The following BCL2 variants were observed in gnomAD, a reference collection of about 807,000 sequenced individuals.
BCL2 encodes the protein apoptosis regulator Bcl-2.
A neutral mutation model predicts 14.2 loss-of-function variants in BCL2; 1 was observed. That is an observed-to-expected ratio of 0.07 (90% confidence interval 0.02 to 0.33). BCL2 has a LOEUF of 0.33. BCL2 is among the 10% of genes least tolerant of loss of function. The pLI is 0.99. For synonymous variants in BCL2, 151 were observed against 137.2 expected, an observed-to-expected ratio of 1.10 and a Z score of -0.70; for missense variants, 247 against 305.9, an observed-to-expected ratio of 0.81 and a Z score of 1.44.
intron 2 of BCL2, among the ~76,000 whole-genome samples, chr18:63,286,668 T>C (rs1244186089): frequency 6.6e-6 from 1 of 152,012 alleles, no homozygotes; most frequent in African/African-American, 2.4e-5. Context: ...CTGAAGGTCA[T>C]TGAAGGGGAG....
chr18:63,314,018 G>A (rs1311539667), intron 2 of BCL2: 1 of 152,104 alleles, frequency 6.6e-6, no homozygotes, highest in Non-Finnish European at 1.5e-5. Context: ...AAACAGAAAA[G>A]AGAATTCAGT....
chr18:63,138,267 A>G (rs2144594394), intron 2 of BCL2, among the ~76,000 whole-genome samples: 1 of 152,346 alleles, frequency 6.6e-6, no homozygotes, highest in African/African-American at 2.4e-5. Context: ...TTCTACCTGA[A>G]TAAAGCAGCT....
At chr18:63,269,017 T>C (rs148115276) in intron 2 of BCL2, among the ~76,000 whole-genome samples, 1 of 151,926 alleles carries the variant, frequency 6.6e-6, no homozygotes, top group Non-Finnish European at 1.5e-5. Flanking sequence ...GGTGTCATCA[T>C]AGCTCACTGC....
In BCL2 at chr18:63,318,717, C is replaced by T; in HGVS notation, c.-51G>A. ...GCCAACGGCACCTCTCGCCCCAGCT[C>T]CCACCCCACGGCCCCCAGAGAAAGA... On this transcript the variant is annotated 5_prime_UTR_variant, in exon 2 of 3. Transcript: ENST00000333681. The surrounding 1 kb of genome is among the most constrained non-coding windows in gnomAD (Gnocchi z 7.4). The T allele has an allele frequency of 1.2e-6, 2 of 1,609,440 alleles. No individual in the cohort carries two copies. The highest frequency in any genetic ancestry group is 8.5e-7 in the Non-Finnish European group (1 of 1,177,836).
intron 2 of BCL2, among the ~76,000 whole-genome samples, chr18:63,211,728 T>C (rs868142265): frequency 3.9e-5 from 6 of 152,182 alleles, no homozygotes; most frequent in African/African-American, 9.7e-5. Flanking sequence ...GCAAATACCA[T>C]TGGACTTGGC....
At chr18:63,244,279 G>A (rs1911094563) in intron 2 of BCL2, among the ~76,000 whole-genome samples, 2 of 152,180 alleles carry the variant, frequency 1.3e-5, no homozygotes, top group South Asian at 4.1e-4. Context: ...TCGGGAGGCT[G>A]AGGCAGGAGA....
At chr18:63,177,467 C>T (rs1915376696) in intron 2 of BCL2, among the ~76,000 whole-genome samples, 1 of 152,180 alleles carries the variant, frequency 6.6e-6, no homozygotes, top group African/African-American at 2.4e-5. Flanking sequence ...TCCCAGGGGA[C>T]CCTGTTGCAG....
intron 2 of BCL2, among the ~76,000 whole-genome samples, chr18:63,305,012 C>A (rs1913080418): frequency 1.3e-5 from 2 of 152,130 alleles, no homozygotes; most frequent in African/African-American, 4.8e-5. Context: ...GTGTTAGAGA[C>A]CTCGCACGTC....
chr18:63,269,560 C>A (rs564875871), intron 2 of BCL2, among the ~76,000 whole-genome samples: 59 of 152,256 alleles, frequency 3.9e-4, no homozygotes, highest in Middle Eastern at 3.4e-3. Flanking sequence ...GAGAAAGTGG[C>A]CATTTTTATC....
In BCL2 at chr18:63,144,922, C is replaced by T. The variant is rs145669468; in HGVS notation, c.586-16163G>A. On this transcript the variant is annotated intron_variant, in intron 2 of 2. Coordinates refer to ENST00000333681, the MANE Select transcript of BCL2 (RefSeq NM_000633.3). ...TGTGCAAGGCTGGATCCCACGGGAA[C>T]GTGTGCGGCACACTCTGGAAGCCCT... Among the ~76,000 whole-genome samples, 604 of 152,324 alleles carry T rather than the reference C, an allele frequency of 4.0e-3. 1 individual carries two copies. Among genetic ancestry groups the T allele is most frequent in the African/African-American group, 0.014 (580 of 41,574 alleles).
At chr18:63,249,730 A>AT (rs2144205962) in intron 2 of BCL2, among the ~76,000 whole-genome samples, 1 of 144,466 alleles carries the variant, frequency 6.9e-6, no homozygotes, top group South Asian at 2.2e-4. Context: ...AAAAAAAAAA[A>AT]AAGGCAAGCT....
chr18:63,148,379 G>T (rs1292175867), intron 2 of BCL2, among the ~76,000 whole-genome samples: 2 of 152,132 alleles, frequency 1.3e-5, no homozygotes. Flanking sequence ...ACAAGGGACA[G>T]GGAACTGTAT....
intron 2 of BCL2, among the ~76,000 whole-genome samples, chr18:63,258,005 G>A (rs1158519325): frequency 2.0e-5 from 3 of 152,214 alleles, no homozygotes; most frequent in African/African-American, 7.2e-5. Context: ...TGGAAACACG[G>A]TCTTTGTAAA....
intron 2 of BCL2, chr18:63,151,470 AGGGGGGCGATAATAGAT>A (rs1309972146): frequency 7.2e-5 from 7 of 97,606 alleles, no homozygotes; most frequent in East Asian, 7.2e-4. Flanking sequence ...CACTCAGGCA[AGGGGGGCGATAATAGAT>A]GGGGGGCGAT....
At chr18:63,190,376 A>C (rs566019338) in intron 2 of BCL2, among the ~76,000 whole-genome samples, 174 of 152,336 alleles carry the variant, frequency 1.1e-3, no homozygotes, top group African/African-American at 4.0e-3. Context: ...TTCTTTATTT[A>C]AAACATCTTT....
intron 2 of BCL2, among the ~76,000 whole-genome samples, chr18:63,148,680 T>C (rs1458796710): frequency 1.3e-5 from 2 of 152,090 alleles, no homozygotes; most frequent in East Asian, 3.8e-4. Flanking sequence ...AAAAAGTTGT[T>C]AAATAAAAAC....
intron 2 of BCL2, among the ~76,000 whole-genome samples, chr18:63,184,661 G>T (rs1180519507): frequency 6.6e-6 from 1 of 152,260 alleles, no homozygotes; most frequent in Non-Finnish European, 1.5e-5. Flanking sequence ...CCCATCAGGG[G>T]AGAGTAGGAT....
At chr18:63,155,598 CCT>C in intron 2 of BCL2, among the ~76,000 whole-genome samples, 1 of 152,212 alleles carries the variant, frequency 6.6e-6, no homozygotes. Context: ...TCTGCTTCCC[CCT>C]GTTGGCTTGG....
chr18:63,263,848 G>A (rs559448889), intron 2 of BCL2, among the ~76,000 whole-genome samples: 1 of 152,044 alleles, frequency 6.6e-6, no homozygotes, highest in Non-Finnish European at 1.5e-5. Flanking sequence ...TTTTTTAGAC[G>A]GAGTTTCACT....
Sources: allele counts gnomAD v4.1 joint callset (sites outside exome capture counted in the v4.1 genomes callset), GRCh38; gene constraint gnomAD v4.1.1; non-coding constraint Gnocchi (gnomAD v3.1); transcripts MANE v1.5; gene names NCBI Gene and HGNC (gene_info 2026-07-23, HGNC 2026-07-21).